Variants in VAV2 observed in about 807,000 individuals in gnomAD.
VAV2 encodes the protein guanine nucleotide exchange factor VAV2.
Under a neutral mutation model 132.5 loss-of-function variants are expected in VAV2, and 67 were observed. That is an observed-to-expected ratio of 0.51 (90% CI 0.42 to 0.62). The LOEUF is 0.62. Among genes scored for constraint, VAV2 ranks in the 20% least tolerant of loss-of-function variants. VAV2 has a pLI of 0.00. For missense variants in VAV2, 938 were observed against 1,153.6 expected (o/e 0.81, Z 2.71); for synonymous variants, 492 against 443.5 (o/e 1.11, Z -1.37).
chr9:133,766,759 A>ATAT (rs1833447141), intron 29 of VAV2, among the ~76,000 whole-genome samples: 63 of 112,112 alleles, frequency 5.6e-4, no homozygotes, highest in South Asian at 2.6e-3. Flanking sequence ...AGTATAAATA[A>ATAT]ATATATATAT....
At position 133,812,198 on chromosome 9, in the gene VAV2, C is replaced by G. The variant is rs546183608; in HGVS notation, c.468G>C (p.Glu156Asp). ...CACACGGGACGCAGTCGTAGATGTC[C>G]TCCCCCAGGTCATGCTCGCTGCACA... ...EELADEHDLG[E>D]DIYDCVPCED... The change falls in exon 5 of 30, where the codon GAG becomes GAC. Residue 156 changes from glutamate (E) to aspartate (D), a missense_variant. Transcript: ENST00000371850. 1.4e-5 allele frequency: 22 copies of G among 1,613,908 alleles called. No individual in the cohort carries two copies. The South Asian group carries it at 2.4e-4, about 18-fold the overall frequency.
Position 133,811,007 on chromosome 9 carries a change from G to A in VAV2, c.553-802C>T, listed in dbSNP as rs183441386. 2.1e-3 allele frequency among the ~76,000 whole-genome samples: 314 copies of A among 152,260 alleles called. 1 individual carries two copies. The highest frequency in any genetic ancestry group is 6.2e-3 in the African/African-American group (258 of 41,554). On this transcript the variant is annotated intron_variant, in intron 5 of 29. Transcript: ENST00000371850. ...CCTCGGGACCTCTCAGGCCAGCTCC[G>A]GGGAGGCGAGGGGAGCCCCCAGCAG...
intron 1 of VAV2, among the ~76,000 whole-genome samples, chr9:133,977,523 C>G (rs1172036930): frequency 6.6e-6 from 1 of 152,218 alleles, no homozygotes; most frequent in Non-Finnish European, 1.5e-5. Flanking sequence ...ACCGGGGACA[C>G]GTGGCAATGG....
intron 2 of VAV2, among the ~76,000 whole-genome samples, chr9:133,886,719 C>T (rs1029613264): frequency 2.6e-5 from 4 of 152,232 alleles, no homozygotes; most frequent in Non-Finnish European, 4.4e-5. Flanking sequence ...CTTCCTCTTC[C>T]GCTGGCAACA....
chr9:133,854,420 GAA>G (rs1324394313), intron 3 of VAV2, among the ~76,000 whole-genome samples: 2 of 152,260 alleles, frequency 1.3e-5, no homozygotes, highest in African/African-American at 4.8e-5. Context: ...ATGGCTGGAC[GAA>G]TGCAAAAGAG....
chr9:133,851,501 T>C (rs1371273487), intron 3 of VAV2, among the ~76,000 whole-genome samples: 3 of 152,234 alleles, frequency 2.0e-5, no homozygotes, highest in Non-Finnish European at 4.4e-5. Context: ...AGTCAGCTCA[T>C]TCATCCACCC....
chr9:133,932,108 C>T (rs1476729457), intron 2 of VAV2, among the ~76,000 whole-genome samples: 1 of 152,234 alleles, frequency 6.6e-6, no homozygotes, highest in African/African-American at 2.4e-5. Context: ...CCCGCAGCCT[C>T]ACCAGAATCC....
chr9:133,808,931 C>A, intron 7 of VAV2, 109 bp downstream of exon 7: 2 of 1,016,282 alleles, frequency 2.0e-6, no homozygotes, highest in Middle Eastern at 3.2e-4. Flanking sequence ...CTTCGCCTGT[C>A]AGAGAGGCCC....
intron 3 of VAV2, among the ~76,000 whole-genome samples, chr9:133,856,695 G>C (rs929208544): frequency 6.6e-6 from 1 of 152,136 alleles, no homozygotes; most frequent in East Asian, 1.9e-4. Flanking sequence ...TCAAGGTATC[G>C]AGGGGCTGGT....
In VAV2 at chr9:133,931,168, G is replaced by A. The variant is rs138814894; in HGVS notation, c.321+7935C>T. On this transcript the variant is annotated intron_variant, in intron 2 of 29. Transcript: ENST00000371850. ...AGACTTCACTCGGAAACCTGTCCCC[G>A]CACAGGGCAAGGTGCCATCAGGGCA... Among the ~76,000 whole-genome samples the A allele has an allele frequency of 7.9e-4, 121 of 152,302 alleles. 1 individual carries two copies. In the East Asian group the frequency reaches 0.011, roughly 14 times the overall value.
chr9:133,852,314 G>A (rs372680735), intron 3 of VAV2, among the ~76,000 whole-genome samples: 3 of 151,442 alleles, frequency 2.0e-5, no homozygotes, highest in African/African-American at 7.3e-5. Flanking sequence ...AGATATATAC[G>A]TGGATAGATG....
At chr9:133,914,930 C>G (rs1168397921) in intron 2 of VAV2, among the ~76,000 whole-genome samples, 1 of 138,826 alleles carries the variant, frequency 7.2e-6, no homozygotes, top group East Asian at 2.2e-4. Context: ...CCAAGGTCAC[C>G]GGTCCACTCA....
At chr9:133,867,796 G>A (rs192160311) in intron 2 of VAV2, among the ~76,000 whole-genome samples, 1 of 152,378 alleles carries the variant, frequency 6.6e-6, no homozygotes, top group Admixed American at 6.5e-5. Flanking sequence ...CTAGCTGGAC[G>A]ACTGAGGATG....
chr9:133,853,360 C>G (rs1837261050), intron 3 of VAV2, among the ~76,000 whole-genome samples: 1 of 152,136 alleles, frequency 6.6e-6, no homozygotes, highest in African/African-American at 2.4e-5. Context: ...GAGCTGCCCC[C>G]AGGCTGAGCA....
chr9:133,930,874 GACAGTGCT>G (rs1026289628), intron 2 of VAV2, among the ~76,000 whole-genome samples: 4 of 152,214 alleles, frequency 2.6e-5, no homozygotes, highest in Non-Finnish European at 5.9e-5. Flanking sequence ...GCCACCCCCA[GACAGTGCT>G]GAGAGCCAGT....
At chr9:133,909,842 C>T (rs1419723880) in intron 2 of VAV2, among the ~76,000 whole-genome samples, 2 of 152,186 alleles carry the variant, frequency 1.3e-5, no homozygotes, top group African/African-American at 4.8e-5. Flanking sequence ...GCATTAACTT[C>T]AGATTCTTTA....
At chr9:133,955,932 C>T (rs879476308) in intron 1 of VAV2, among the ~76,000 whole-genome samples, 1 of 150,450 alleles carries the variant, frequency 6.6e-6, no homozygotes, top group African/African-American at 2.5e-5. Flanking sequence ...CACAAAGGCA[C>T]GGCCCCTGCT....
At chr9:133,945,684 C>G (rs1841333985) in intron 1 of VAV2, among the ~76,000 whole-genome samples, 1 of 152,224 alleles carries the variant, frequency 6.6e-6, no homozygotes, top group African/African-American at 2.4e-5. Flanking sequence ...GGGAAAGCCC[C>G]AAGCTGGGGT....
At chr9:133,891,795 AG>A (rs1655751841) in intron 2 of VAV2, among the ~76,000 whole-genome samples, 1 of 26,876 alleles carries the variant, frequency 3.7e-5, no homozygotes. Context: ...AGAGGTATGG[AG>A]GGGAGGGAGG....
Sources: allele counts gnomAD v4.1 joint callset (sites outside exome capture counted in the v4.1 genomes callset), GRCh38; gene constraint gnomAD v4.1.1; transcripts MANE v1.5; gene names NCBI Gene and HGNC (gene_info 2026-07-23, HGNC 2026-07-21).